The following RNF13 variants were observed in gnomAD, a reference collection of about 807,000 sequenced individuals.
The protein encoded by RNF13 is ring finger protein 13.
In RNF13, 19 loss-of-function variants were observed where a neutral mutation model predicts 37.7. That is an observed-to-expected ratio of 0.50 (90% CI 0.35 to 0.74). The LOEUF (loss-of-function observed/expected upper bound fraction) is 0.74. Ranked by LOEUF, RNF13 falls within the 30% of genes least tolerant of loss-of-function variation. The probability of loss-of-function intolerance (pLI) is 0.01; values close to 1 mark genes in which losing one functional copy is unlikely to be tolerated. For missense variants in RNF13, 375 were observed against 453.0 expected, an observed-to-expected ratio of 0.83 and a Z score of 1.56; for synonymous variants, 144 against 157.8, an observed-to-expected ratio of 0.91 and a Z score of 0.65.
At chr3:149,956,529 T>TG (rs1450302546) in intron 8 of RNF13, among the ~76,000 whole-genome samples, 2 of 152,148 alleles carry the variant, frequency 1.3e-5, no homozygotes, top group African/African-American at 4.8e-5. Context: ...GGGCTTGAAA[T>TG]GGGGAAAAAT....
chr3:149,830,915 G>A (rs1337705629), intron 1 of RNF13, among the ~76,000 whole-genome samples: 1 of 152,176 alleles, frequency 6.6e-6, no homozygotes, highest in Non-Finnish European at 1.5e-5. Context: ...TCCTAGCTGT[G>A]GCTAAAAGGG....
rs543845737 is a variant in RNF13, at chr3:149,923,970, A to C, written c.700+2743A>C. 1.0e-3 allele frequency among the ~76,000 whole-genome samples: 153 copies of C among 152,250 alleles called. 2 individuals carry two copies. In the South Asian group the frequency reaches 0.03, roughly 30 times the overall value. On this transcript the variant is annotated intron_variant, in intron 8 of 9. Coordinates refer to ENST00000392894, the MANE Select transcript of RNF13 (RefSeq NM_183381.3). ...TAGGTTATTAGATGGCAAAGGGTAT[A>C]AACAGAGAGAACAGACAGGAAAGTT...
At chr3:149,960,252 C>A (rs1255511242) in intron 9 of RNF13, 116 bp downstream of exon 9, 1 of 695,168 alleles carries the variant, frequency 1.4e-6, no homozygotes, top group Non-Finnish European at 2.5e-6. Flanking sequence ...AGGCCCTGTA[C>A]TAATTAGTGG....
intron 8 of RNF13, among the ~76,000 whole-genome samples, chr3:149,953,194 A>T (rs1373469623): frequency 6.6e-6 from 1 of 152,180 alleles, no homozygotes; most frequent in Non-Finnish European, 1.5e-5. Context: ...GTTTTAACTT[A>T]AATGGATTTA....
chr3:149,913,247 TAGTA>T (rs1449670397), intron 7 of RNF13, among the ~76,000 whole-genome samples: 2 of 152,182 alleles, frequency 1.3e-5, no homozygotes, highest in African/African-American at 4.8e-5. Context: ...ATTACACATA[TAGTA>T]AGTTTTTCTT....
Position 149,902,117 on chromosome 3 carries a change from A to T in RNF13, c.455A>T (p.Glu152Val). ...GACATTCCATCTGTCTTTATTGGTG[A>T]ATCATCAGCTAATTCTCTGAAAGAT... Reference protein sequence around the residue: ...KIDIPSVFIGESSANSLKDEF... With the variant: ...KIDIPSVFIGVSSANSLKDEF... The change falls in exon 6 of 10, where the codon GAA becomes GTA. Residue 152 changes from glutamate (E) to valine (V), a missense_variant. Transcript: ENST00000392894. 5 of 1,519,840 alleles carry T rather than the reference A, an allele frequency of 3.3e-6. No individual in the cohort carries two copies. Among genetic ancestry groups the T allele is most frequent in the Non-Finnish European group, 4.4e-6 (5 of 1,129,850 alleles). The allele number at this position is 1,519,840 out of a possible 1,614,324, so 94.1% of individuals were successfully genotyped here. A position where few individuals can be genotyped will look rare whatever the true frequency, so the allele number is the denominator to read the frequency against.
chr3:149,960,688 A>G lies in RNF13; in HGVS notation c.782-52A>G, dbSNP rs148165771. ...ATAAATATGGCAAGAGATTAAATAT[A>G]AAAGTATCAACCGCAGCATACTAAC... On this transcript the variant is annotated intron_variant, in intron 9 of 9. Coordinates refer to ENST00000392894, the MANE Select transcript of RNF13 (RefSeq NM_183381.3). 1,217 of 1,514,430 alleles carry G rather than the reference A, an allele frequency of 8.0e-4. 11 individuals are homozygous for G. The African/African-American group carries it at 0.015, about 19-fold the overall frequency. 93.8% of individuals were successfully genotyped at this position (1,514,430 alleles called of 1,614,324 possible).
intron 1 of RNF13, among the ~76,000 whole-genome samples, chr3:149,845,021 C>G (rs1722513755): frequency 6.6e-6 from 1 of 152,144 alleles, no homozygotes; most frequent in Admixed American, 6.5e-5. Context: ...CGTTAAGGAA[C>G]AAATCTATAC....
At chr3:149,862,524 G>A (rs1013561038) in intron 3 of RNF13, among the ~76,000 whole-genome samples, 2 of 151,720 alleles carry the variant, frequency 1.3e-5, no homozygotes, top group Non-Finnish European at 2.9e-5. Context: ...TAAACATTGT[G>A]CTTCCATTTA....
intron 4 of RNF13, among the ~76,000 whole-genome samples, chr3:149,888,774 C>T (rs537195179): frequency 6.6e-6 from 1 of 152,176 alleles, no homozygotes; most frequent in African/African-American, 2.4e-5. Flanking sequence ...GTAGCCTGGA[C>T]ATATACACAT....
At chr3:149,824,961 ATTT>A (rs113884325) in intron 1 of RNF13, among the ~76,000 whole-genome samples, 1 of 137,972 alleles carries the variant, frequency 7.2e-6, no homozygotes. Flanking sequence ...ATTTTTCCTG[ATTT>A]TTTTTTTTTT....
At chr3:149,933,828 C>T (rs562921281) in intron 8 of RNF13, among the ~76,000 whole-genome samples, 1 of 152,076 alleles carries the variant, frequency 6.6e-6, no homozygotes. Context: ...AAGTGATCCA[C>T]CCGCCTCAGC....
chr3:149,840,644 A>T (rs910418093), intron 1 of RNF13, among the ~76,000 whole-genome samples: 9 of 152,188 alleles, frequency 5.9e-5, no homozygotes, highest in African/African-American at 2.2e-4. Context: ...AAGTTCAAGC[A>T]TGAGAGGCCA....
intron 7 of RNF13, among the ~76,000 whole-genome samples, chr3:149,917,771 A>C (rs1354508461): frequency 6.6e-6 from 1 of 152,184 alleles, no homozygotes; most frequent in Non-Finnish European, 1.5e-5. Context: ...TAAATTTTGT[A>C]AACATTCCAT....
intron 4 of RNF13, among the ~76,000 whole-genome samples, chr3:149,886,989 CT>C (rs1361692394): frequency 6.6e-6 from 1 of 152,060 alleles, no homozygotes; most frequent in East Asian, 1.9e-4. Flanking sequence ...TGATGTTAAT[CT>C]TTAATTTCAT....
chr3:149,944,753 C>G lies in RNF13; in HGVS notation c.701-15303C>G, dbSNP rs147585183. Among the ~76,000 whole-genome samples, 919 of 152,216 alleles carry G rather than the reference C, an allele frequency of 6.0e-3. 7 individuals carry two copies. The highest frequency in any genetic ancestry group is 0.021 in the African/African-American group (870 of 41,538). On this transcript the variant is annotated intron_variant, in intron 8 of 9. Transcript: ENST00000392894. ...GATTGCAATAATTTTCTCCCATTCT[C>G]TAGGTTGCCTGTTCACTCTGATGGT...
chr3:149,939,796 A>T (rs562645024), intron 8 of RNF13: 32 of 550,056 alleles, frequency 5.8e-5, no homozygotes, highest in South Asian at 2.1e-4. Flanking sequence ...CAAATCTTCC[A>T]TGGGGTGGTG....
At chr3:149,847,175 T>C (rs564962619) in intron 2 of RNF13, among the ~76,000 whole-genome samples, 11 of 152,344 alleles carry the variant, frequency 7.2e-5, no homozygotes, top group Admixed American at 1.3e-4. Context: ...ATTTGACTTA[T>C]GAAACATTTT....
chr3:149,910,246 A>G (rs1276955401), intron 6 of RNF13, among the ~76,000 whole-genome samples: 1 of 152,184 alleles, frequency 6.6e-6, no homozygotes, highest in Non-Finnish European at 1.5e-5. Flanking sequence ...ATGGTATCAA[A>G]TAGAGCAGCT....
Sources: allele counts gnomAD v4.1 joint callset (sites outside exome capture counted in the v4.1 genomes callset), GRCh38; gene constraint gnomAD v4.1.1; transcripts MANE v1.5; gene names NCBI Gene and HGNC (gene_info 2026-07-23, HGNC 2026-07-21).